MARCHF1: variants seen among roughly 807,000 people sequenced by gnomAD.
The protein encoded by MARCHF1 is membrane associated ring-CH-type finger 1.
A neutral mutation model predicts 54.2 loss-of-function variants in MARCHF1; 40 were observed. The observed-to-expected ratio is 0.74, with a 90% CI of 0.57 to 0.96. The LOEUF is 0.96. MARCHF1 is among the 40% of genes least tolerant of loss of function. The pLI is 0.00. For missense variants in MARCHF1, 586 were observed against 656.5 expected (o/e 0.89, Z 1.17); for synonymous variants, 236 against 236.3 (o/e 1.00, Z 0.01).
At chr4:164,207,075 T>TATA (rs1352779052) in intron 1 of MARCHF1, among the ~76,000 whole-genome samples, 3 of 152,214 alleles carry the variant, frequency 2.0e-5, no homozygotes, top group Admixed American at 2.0e-4. Context: ...TAAACTCTTT[T>TATA]AACAATAGAA....
chr4:164,087,244 A>C (rs1755209595), intron 2 of MARCHF1, among the ~76,000 whole-genome samples: 1 of 152,124 alleles, frequency 6.6e-6, no homozygotes, highest in Admixed American at 6.6e-5. Flanking sequence ...TGATTGCAGG[A>C]ATCATTTCTT....
intron 3 of MARCHF1, among the ~76,000 whole-genome samples, chr4:163,962,452 T>G (rs1474224522): frequency 6.6e-6 from 1 of 151,870 alleles, no homozygotes; most frequent in Non-Finnish European, 1.5e-5. Context: ...TCACAAAATT[T>G]ACAGGTCCAT....
At chr4:164,382,136 G>T (rs1731388029) in intron 1 of MARCHF1, among the ~76,000 whole-genome samples, 1 of 152,146 alleles carries the variant, frequency 6.6e-6, no homozygotes, top group South Asian at 2.1e-4. Context: ...TTCATATTTA[G>T]TAAAGCCTCC....
chr4:163,633,492 A>T (rs915492465), intron 5 of MARCHF1, among the ~76,000 whole-genome samples: 7 of 152,240 alleles, frequency 4.6e-5, no homozygotes, highest in Non-Finnish European at 2.9e-5. Context: ...AAGGAAAGGT[A>T]TCAGCGATGG....
At chr4:164,051,061 A>G (rs1754354898) in intron 2 of MARCHF1, among the ~76,000 whole-genome samples, 1 of 152,192 alleles carries the variant, frequency 6.6e-6, no homozygotes, top group Non-Finnish European at 1.5e-5. Flanking sequence ...TACCTAAATA[A>G]TTATCTTGAA....
intron 8 of MARCHF1, among the ~76,000 whole-genome samples, chr4:163,555,381 A>C (rs910233843): frequency 6.6e-6 from 1 of 152,200 alleles, no homozygotes; most frequent in Non-Finnish European, 1.5e-5. Context: ...GGTTTTTCAC[A>C]GAGTGAATAT....
At chr4:163,788,705 G>C (rs1438501896) in intron 4 of MARCHF1, among the ~76,000 whole-genome samples, 1 of 151,966 alleles carries the variant, frequency 6.6e-6, no homozygotes, top group Non-Finnish European at 1.5e-5. Context: ...ATCAATAAGC[G>C]TATTACTGGT....
chr4:164,318,799 A>G (rs952576702), intron 1 of MARCHF1, among the ~76,000 whole-genome samples: 2 of 152,240 alleles, frequency 1.3e-5, no homozygotes, highest in African/African-American at 2.4e-5. Flanking sequence ...CTAGACTTAC[A>G]TTTCACTAAG....
At chr4:163,895,435 C>A (rs1052278410) in intron 3 of MARCHF1, among the ~76,000 whole-genome samples, 1 of 152,132 alleles carries the variant, frequency 6.6e-6, no homozygotes, top group African/African-American at 2.4e-5. Flanking sequence ...TGATAAGCAC[C>A]ATATTTGTTA....
intron 5 of MARCHF1, among the ~76,000 whole-genome samples, chr4:163,676,357 CAAAA>C (rs201672647): frequency 9.4e-6 from 1 of 106,340 alleles, no homozygotes. Flanking sequence ...AACTCTGTCT[CAAAA>C]AAAAAAAAAA....
intron 7 of MARCHF1, among the ~76,000 whole-genome samples, chr4:163,599,002 T>C (rs1013178070): frequency 3.9e-5 from 6 of 152,126 alleles, no homozygotes; most frequent in African/African-American, 1.2e-4. Context: ...ATTTAAAAAA[T>C]TTTTGGCTGG....
intron 1 of MARCHF1, among the ~76,000 whole-genome samples, chr4:164,167,057 T>G (rs1253767479): frequency 6.6e-6 from 1 of 151,674 alleles, no homozygotes; most frequent in African/African-American, 2.4e-5. Flanking sequence ...TCAATAAGTG[T>G]TTTCTGAGCC....
At chr4:163,841,985 T>A (rs997747599) in intron 4 of MARCHF1, among the ~76,000 whole-genome samples, 1 of 152,106 alleles carries the variant, frequency 6.6e-6, no homozygotes, top group African/African-American at 2.4e-5. Context: ...ACAATTACTA[T>A]GGTGATATAA....
intron 5 of MARCHF1, among the ~76,000 whole-genome samples, chr4:163,683,893 A>G (rs1295180760): frequency 6.4e-5 from 6 of 93,768 alleles, no homozygotes; most frequent in Admixed American, 4.7e-4. Flanking sequence ...GTGGAGGCTC[A>G]CTCACTCACT....
intron 3 of MARCHF1, chr4:163,932,880 A>T (rs1751709845): frequency 1.6e-6 from 1 of 632,472 alleles, no homozygotes; most frequent in Non-Finnish European, 3.1e-6. Context: ...TCTGAAAATG[A>T]AGGGTGATTA....
intron 1 of MARCHF1, among the ~76,000 whole-genome samples, chr4:164,141,871 G>T (rs1002888438): frequency 6.6e-6 from 1 of 152,170 alleles, no homozygotes; most frequent in Non-Finnish European, 1.5e-5. Context: ...CGTGAGCAAC[G>T]CAGAAGACCG....
chr4:163,569,460 ATTAAC>A (rs1301762954), intron 8 of MARCHF1, among the ~76,000 whole-genome samples: 1 of 152,208 alleles, frequency 6.6e-6, no homozygotes, highest in Non-Finnish European at 1.5e-5. Context: ...AAAAGCTGAA[ATTAAC>A]TTATAGTGTA....
intron 2 of MARCHF1, among the ~76,000 whole-genome samples, chr4:164,044,913 T>A (rs1039514952): frequency 1.3e-5 from 2 of 152,096 alleles, no homozygotes; most frequent in Non-Finnish European, 2.9e-5. Context: ...AGATAGGTGA[T>A]GTAACTGAGA....
At chr4:163,665,895 T>C (rs532737921) in intron 5 of MARCHF1, among the ~76,000 whole-genome samples, 2 of 152,256 alleles carry the variant, frequency 1.3e-5, no homozygotes, top group East Asian at 3.9e-4. Flanking sequence ...TCTCAGAGGT[T>C]AGAGTTTTTG....
Sources: allele counts gnomAD v4.1 joint callset (sites outside exome capture counted in the v4.1 genomes callset), GRCh38; gene constraint gnomAD v4.1.1; transcripts MANE v1.5; gene names NCBI Gene and HGNC (gene_info 2026-07-23, HGNC 2026-07-21).